The following ACTN2 variants were observed in gnomAD, a reference collection of about 807,000 sequenced individuals.
ACTN2 encodes the protein alpha-actinin-2.
Under a neutral mutation model 113.8 loss-of-function variants are expected in ACTN2, and 39 were observed. That is an observed-to-expected ratio of 0.34 (90% CI 0.27 to 0.45). The LOEUF (loss-of-function observed/expected upper bound fraction) is 0.45, where lower values mean the gene tolerates loss of function less well. Among genes scored for constraint, ACTN2 ranks in the 20% least tolerant of loss-of-function variants. The pLI is 1.00. For synonymous variants in ACTN2, 429 were observed against 444.1 expected, an observed-to-expected ratio of 0.97 and a Z score of 0.43; for missense variants, 992 against 1,177.9, an observed-to-expected ratio of 0.84 and a Z score of 2.31.
At chr1:236,762,350 C>T in intron 20 of ACTN2, 111 bp from the exon 21 acceptor site, 1 of 1,425,576 alleles carries the variant, frequency 7.0e-7, no homozygotes, top group Non-Finnish European at 9.8e-7. Context: ...ACTCCCTATT[C>T]TTTAGTCCTT....
At chr1:236,717,781 G>A in intron 1 of ACTN2, 77 bp from the exon 2 acceptor site, 1 of 952,390 alleles carries the variant, frequency 1.0e-6, no homozygotes, top group Non-Finnish European at 1.7e-6. Context: ...AACGTGTAAG[G>A]TGTCAAGTGT....
chr1:236,725,830 CT>C (rs1412198254), intron 4 of ACTN2, 102 bp from the exon 5 acceptor site: 4 of 1,004,772 alleles, frequency 4.0e-6, no homozygotes, highest in African/African-American at 1.6e-5. Context: ...AAGAGACCCC[CT>C]GGGTGATCGA....
At chr1:236,753,177 T>G (rs1322773473) in intron 15 of ACTN2, among the ~76,000 whole-genome samples, 1 of 152,226 alleles carries the variant, frequency 6.6e-6, no homozygotes, top group African/African-American at 2.4e-5. Context: ...TGAACCCGTC[T>G]GGCAGTCTGG....
intron 6 of ACTN2, among the ~76,000 whole-genome samples, chr1:236,730,414 A>G (rs1658681624): frequency 6.6e-6 from 1 of 152,180 alleles, no homozygotes; most frequent in Non-Finnish European, 1.5e-5. Context: ...TGCTCATTGG[A>G]AAACATTGCG....
intron 2 of ACTN2, 126 bp from the exon 3 acceptor site, chr1:236,718,768 C>G: frequency 7.5e-7 from 1 of 1,324,776 alleles, no homozygotes; most frequent in Non-Finnish European, 1.1e-6. Flanking sequence ...AGACCAGGCA[C>G]ACATCAGAAA....
At chr1:236,697,081 T>C (rs1248819743) in intron 1 of ACTN2, among the ~76,000 whole-genome samples, 1 of 152,210 alleles carries the variant, frequency 6.6e-6, no homozygotes, top group Non-Finnish European at 1.5e-5. Context: ...TTTGTAAAAG[T>C]AAAGGGGCTC....
intron 1 of ACTN2, among the ~76,000 whole-genome samples, chr1:236,688,994 C>G (rs1336774562): frequency 6.6e-6 from 1 of 152,106 alleles, no homozygotes; most frequent in Non-Finnish European, 1.5e-5. Context: ...ATCTACAGTT[C>G]AGAGAGTCTC....
chr1:236,734,473 G>T, intron 7 of ACTN2: 2 of 1,535,866 alleles, frequency 1.3e-6, no homozygotes, highest in Non-Finnish European at 1.7e-6. Flanking sequence ...GAGCCATAAT[G>T]ACTTATGTTT....
At chr1:236,747,796 G>T (rs767635241) in intron 13 of ACTN2, 21 bp downstream of exon 13, 1 of 1,552,558 alleles carries the variant, frequency 6.4e-7, no homozygotes, top group South Asian at 1.1e-5. Context: ...GAAGCCACTT[G>T]TTGACATGAA....
chr1:236,718,493 A>G lies in ACTN2; in HGVS notation c.242-401A>G, dbSNP rs138634329. Among the ~76,000 whole-genome samples, 57 of 152,310 alleles carry G rather than the reference A, an allele frequency of 3.7e-4. 1 individual carries two copies. The East Asian group carries it at 0.011, about 29-fold the overall frequency. ...CTGCCCTGATCCATCTGTCTTCATA[A>G]TCAGGTGTCGAACGAGCCCTGGCAG... On this transcript the variant is annotated intron_variant, in intron 2 of 20. Coordinates refer to ENST00000366578, the MANE Select transcript of ACTN2 (RefSeq NM_001103.4).
chr1:236,722,691 G>A (rs1009192788), intron 4 of ACTN2, among the ~76,000 whole-genome samples: 2 of 151,434 alleles, frequency 1.3e-5, no homozygotes, highest in African/African-American at 4.9e-5. Flanking sequence ...GTTGATGAAG[G>A]CAGTGCAGAT....
At chr1:236,688,376 C>CTT (rs539065333) in intron 1 of ACTN2, among the ~76,000 whole-genome samples, 1,931 of 142,732 alleles carry the variant, frequency 0.014, 75 homozygotes, top group Admixed American at 0.086. Context: ...TTTCTGTTGC[C>CTT]TTTTTTTTTT....
At chr1:236,691,100 C>T (rs960439753) in intron 1 of ACTN2, among the ~76,000 whole-genome samples, 1 of 151,778 alleles carries the variant, frequency 6.6e-6, no homozygotes, top group African/African-American at 2.4e-5. Flanking sequence ...GCTAGGATTA[C>T]AGCTGGCTAA....
At chr1:236,757,310 C>T (rs1200680156) in intron 17 of ACTN2, among the ~76,000 whole-genome samples, 176 bp from the exon 18 acceptor site, 1 of 152,174 alleles carries the variant, frequency 6.6e-6, no homozygotes, top group Non-Finnish European at 1.5e-5. Flanking sequence ...GAGTACTTCT[C>T]ACTACAGAAT....
chr1:236,725,918 T>G lies in ACTN2; in HGVS notation c.449-15T>G, dbSNP rs1333964987. ...GCATTTCCCTGGGGCCACTTTTTCTTGGCTGTCATTACAGAAACATCTGCC... is the reference window on the plus strand; with the variant it reads ...GCATTTCCCTGGGGCCACTTTTTCTGGGCTGTCATTACAGAAACATCTGCC... On this transcript the variant is annotated splice_polypyrimidine_tract_variant and intron_variant, in intron 4 of 20. Coordinates refer to ENST00000366578, the MANE Select transcript of ACTN2 (RefSeq NM_001103.4). 1.9e-6 allele frequency: 3 copies of G among 1,613,824 alleles called. No individual in the cohort carries two copies. Among genetic ancestry groups the G allele is most frequent in the East Asian group, 4.5e-5 (2 of 44,886 alleles).
intron 1 of ACTN2, among the ~76,000 whole-genome samples, chr1:236,691,231 C>T (rs956752641): frequency 2.0e-5 from 3 of 151,914 alleles, no homozygotes; most frequent in African/African-American, 7.3e-5. Context: ...GCGTGAGCCA[C>T]TGCACCCAGC....
chr1:236,757,641 CT>C lies in ACTN2; in HGVS notation c.2301+10del, dbSNP rs1333389864. ...TCAACCACTTTGACAGGGTACCACT[CT>C]CTACTTATTTGAAGGGCAATACTGG... On this transcript the variant is annotated intron_variant, in intron 18 of 20. Transcript: ENST00000366578. The C allele has an allele frequency of 6.2e-7, 1 of 1,614,072 alleles. No homozygotes were observed. Among genetic ancestry groups the C allele is most frequent in the Admixed American group, 1.7e-5 (1 of 60,026 alleles).
At chr1:236,721,028 T>TTTTTTTTG (rs1658376593) in intron 4 of ACTN2, among the ~76,000 whole-genome samples, 1 of 99,980 alleles carries the variant, frequency 1.0e-5, no homozygotes, top group African/African-American at 3.6e-5. Flanking sequence ...TTTTGTTTTT[T>TTTTTTTTG]TTTTTTTTTT....
chr1:236,755,202 C>T lies in ACTN2; in HGVS notation c.2154+4C>T, dbSNP rs1342624709. The T allele has an allele frequency of 8.1e-6, 13 of 1,613,954 alleles. No homozygotes were observed. The highest frequency in any genetic ancestry group is 6.7e-5 in the East Asian group (3 of 44,886). ...GCACACGAACTACACGATGGAGGTA[C>T]GGCAGCCAGACAGGCGTGTGCCGCT... On this transcript the variant is annotated splice_donor_region_variant and intron_variant, in intron 17 of 20. Coordinates refer to ENST00000366578, the MANE Select transcript of ACTN2 (RefSeq NM_001103.4).
Sources: gnomAD v4.1 joint callset for allele counts (sites outside exome capture counted in the v4.1 genomes callset) on GRCh38, gnomAD v4.1.1 for gene constraint, MANE v1.5 for transcripts, NCBI Gene and HGNC (gene_info 2026-07-23, HGNC 2026-07-21) for gene names.